Variants in NOS1AP observed in about 807,000 individuals in gnomAD.
NOS1AP encodes the protein carboxyl-terminal PDZ ligand of neuronal nitric oxide synthase protein.
NOS1AP carries 21 observed loss-of-function variants against 56.2 expected under a neutral mutation model. That is an observed-to-expected ratio of 0.37 (90% CI 0.26 to 0.54). The LOEUF (loss-of-function observed/expected upper bound fraction) is 0.54, where lower values mean the gene tolerates loss of function less well. NOS1AP is among the 20% of genes least tolerant of loss of function. The pLI is 0.84. For missense variants in NOS1AP, 522 were observed against 657.8 expected (o/e 0.79, Z 2.26); for synonymous variants, 270 against 274.6 (o/e 0.98, Z 0.17).
chr1:162,305,030 A>G (rs1400718305), intron 4 of NOS1AP, among the ~76,000 whole-genome samples: 1 of 152,122 alleles, frequency 6.6e-6, no homozygotes, highest in Non-Finnish European at 1.5e-5. Flanking sequence ...TTCATTTTAG[A>G]CGAATGAATT....
intron 3 of NOS1AP, among the ~76,000 whole-genome samples, chr1:162,293,984 A>G (rs985082004): frequency 4.6e-5 from 7 of 152,168 alleles, no homozygotes; most frequent in South Asian, 2.1e-4. Context: ...TGACTTTCCT[A>G]TATCTTTGCT....
chr1:162,084,403 C>T (rs370122528), intron 1 of NOS1AP, among the ~76,000 whole-genome samples: 94 of 152,256 alleles, frequency 6.2e-4, no homozygotes, highest in Admixed American at 4.1e-3. Flanking sequence ...GCAGGGGCAA[C>T]TCATTACTGA....
chr1:162,289,055 T>C (rs1655177472), intron 3 of NOS1AP, among the ~76,000 whole-genome samples: 2 of 152,218 alleles, frequency 1.3e-5, no homozygotes, highest in South Asian at 4.2e-4. Flanking sequence ...AAAGATATCC[T>C]CAGAGGAAAA....
chr1:162,143,876 T>C (rs923409071), intron 1 of NOS1AP, among the ~76,000 whole-genome samples: 1 of 152,178 alleles, frequency 6.6e-6, no homozygotes, highest in South Asian at 2.1e-4. Flanking sequence ...TTAGGAGGTG[T>C]AGGATGTTGG....
chr1:162,352,554 G>T (rs1657550404), intron 6 of NOS1AP, among the ~76,000 whole-genome samples: 1 of 152,066 alleles, frequency 6.6e-6, no homozygotes, highest in African/African-American at 2.4e-5. Context: ...AGATTGGATG[G>T]CTTAAACAAC....
At chr1:162,307,970 G>A (rs1396860963) in intron 4 of NOS1AP, among the ~76,000 whole-genome samples, 1 of 152,186 alleles carries the variant, frequency 6.6e-6, no homozygotes, top group South Asian at 2.1e-4. Context: ...GTTGTTCATT[G>A]TGCTAGGCAC....
At position 162,154,374 on chromosome 1, in the gene NOS1AP, C is replaced by T. The variant is rs537474173; in HGVS notation, c.106-31C>T. On this transcript the variant is annotated intron_variant, in intron 1 of 9. Coordinates refer to ENST00000361897, the MANE Select transcript of NOS1AP (RefSeq NM_014697.3). ...GGATTAGGGACACTTGCTACCCCTC[C>T]TCTCAATGAGTGTTTGCTTCTCCCC... 17 of 1,609,000 alleles carry T rather than the reference C, an allele frequency of 1.1e-5. No individual in the cohort carries two copies. In the East Asian group the frequency reaches 2.2e-4, roughly 21 times the overall value.
chr1:162,306,058 G>T (rs1655814865), intron 4 of NOS1AP, among the ~76,000 whole-genome samples: 1 of 152,124 alleles, frequency 6.6e-6, no homozygotes, highest in Admixed American at 6.6e-5. Context: ...ATAGGATTTG[G>T]ACCTGTACAA....
intron 4 of NOS1AP, among the ~76,000 whole-genome samples, chr1:162,306,351 A>C (rs920963970): frequency 5.3e-5 from 8 of 152,226 alleles, no homozygotes; most frequent in African/African-American, 1.9e-4. Flanking sequence ...AGCTAGGTAT[A>C]GAGAAAAGTG....
At chr1:162,245,788 T>G (rs1471039018) in intron 2 of NOS1AP, among the ~76,000 whole-genome samples, 1 of 152,246 alleles carries the variant, frequency 6.6e-6, no homozygotes, top group East Asian at 1.9e-4. Context: ...TGTGTCAGAA[T>G]GTCTTTAAGT....
chr1:162,099,992 A>G (rs1274117636), intron 1 of NOS1AP, among the ~76,000 whole-genome samples: 7 of 151,106 alleles, frequency 4.6e-5, no homozygotes, highest in African/African-American at 1.7e-4. Flanking sequence ...ATAGTATTCC[A>G]TGGTGTATAT....
At chr1:162,223,124 A>G (rs1030516959) in intron 2 of NOS1AP, among the ~76,000 whole-genome samples, 1 of 152,254 alleles carries the variant, frequency 6.6e-6, no homozygotes, top group Non-Finnish European at 1.5e-5. Context: ...TTCTGAAATT[A>G]TATCTAAGAC....
chr1:162,089,909 G>A (rs1692090043), intron 1 of NOS1AP, among the ~76,000 whole-genome samples: 1 of 152,184 alleles, frequency 6.6e-6, no homozygotes, highest in East Asian at 1.9e-4. Flanking sequence ...ATAAATTTCT[G>A]TTGTCTTAAG....
intron 1 of NOS1AP, among the ~76,000 whole-genome samples, chr1:162,071,009 C>T (rs894352197): frequency 1.3e-5 from 2 of 152,108 alleles, no homozygotes; most frequent in African/African-American, 4.8e-5. Flanking sequence ...GCAGAAGCCT[C>T]GGCCCTGGAC....
chr1:162,106,325 T>C (rs924690507), intron 1 of NOS1AP, among the ~76,000 whole-genome samples: 1 of 152,204 alleles, frequency 6.6e-6, no homozygotes, highest in Non-Finnish European at 1.5e-5. Flanking sequence ...TCAGTCCCAA[T>C]GTGAGAACTC....
At chr1:162,289,388 C>A (rs945777037) in intron 3 of NOS1AP, among the ~76,000 whole-genome samples, 4 of 151,758 alleles carry the variant, frequency 2.6e-5, no homozygotes, top group African/African-American at 4.8e-5. Context: ...ACCTCCACCC[C>A]CTGAGTTCAA....
At chr1:162,094,990 C>A (rs1161078836) in intron 1 of NOS1AP, among the ~76,000 whole-genome samples, 1 of 152,200 alleles carries the variant, frequency 6.6e-6, no homozygotes, top group Non-Finnish European at 1.5e-5. Context: ...ACTCACACTC[C>A]ACTATGGGTT....
chr1:162,202,516 A>G lies in NOS1AP; in HGVS notation c.177+48040A>G, dbSNP rs149389935. 2.7e-3 allele frequency among the ~76,000 whole-genome samples: 409 copies of G among 152,254 alleles called. 1 individual carries two copies. Among genetic ancestry groups the G allele is most frequent in the African/African-American group, 9.2e-3 (382 of 41,534 alleles). On this transcript the variant is annotated intron_variant, in intron 2 of 9. Coordinates refer to ENST00000361897, the MANE Select transcript of NOS1AP (RefSeq NM_014697.3). The stretch of plus-strand genomic sequence containing the variant: ...AAACATACATTTTAATGGTTTCATA[A>G]TATTCTATGCTAAAAATATAGTGTG...
At chr1:162,114,813 A>C (rs1488059708) in intron 1 of NOS1AP, among the ~76,000 whole-genome samples, 2 of 152,148 alleles carry the variant, frequency 1.3e-5, no homozygotes, top group African/African-American at 4.8e-5. Flanking sequence ...AGGTATGCTT[A>C]AGTCATCGTT....
Sources: allele counts gnomAD v4.1 joint callset (sites outside exome capture counted in the v4.1 genomes callset), GRCh38; gene constraint gnomAD v4.1.1; transcripts MANE v1.5; gene names NCBI Gene and HGNC (gene_info 2026-07-23, HGNC 2026-07-21).